CDH20: variants seen among roughly 807,000 people sequenced by gnomAD.
CDH20 encodes the protein cadherin-20.
Under a neutral mutation model 74.2 loss-of-function variants are expected in CDH20, and 29 were observed. The ratio of observed to expected loss-of-function variants is 0.39; its 90% CI spans 0.29 to 0.53. The LOEUF (loss-of-function observed/expected upper bound fraction) is 0.53, where lower values mean the gene tolerates loss of function less well. Ranked by LOEUF, CDH20 falls within the 20% of genes least tolerant of loss-of-function variation. The pLI is 0.69. For synonymous variants in CDH20, 469 were observed against 405.4 expected, an observed-to-expected ratio of 1.16 and a Z score of -1.88; for missense variants, 988 against 1,048.3, an observed-to-expected ratio of 0.94 and a Z score of 0.79.
At chr18:61,545,181 A>G (rs79881708) in intron 10 of CDH20, 37 bp downstream of exon 10, 2 of 1,333,896 alleles carry the variant, frequency 1.5e-6, no homozygotes, top group Non-Finnish European at 2.2e-6. Flanking sequence ...GTGCTTTTCT[A>G]CAGCATAGGC....
At chr18:61,421,725 C>G (rs944536291) in intron 1 of CDH20, among the ~76,000 whole-genome samples, 22 of 152,036 alleles carry the variant, frequency 1.4e-4, no homozygotes, top group African/African-American at 4.8e-4. Context: ...ATGAATGTAT[C>G]AAATTATCAC....
chr18:61,390,838 A>G (rs1056449453), intron 1 of CDH20, among the ~76,000 whole-genome samples: 1 of 152,204 alleles, frequency 6.6e-6, no homozygotes, highest in African/African-American at 2.4e-5. Context: ...CTTACTCCTC[A>G]CACTGAATTC....
chr18:61,334,066 G>A (rs528851316), intron 1 of CDH20, among the ~76,000 whole-genome samples: 1 of 152,284 alleles, frequency 6.6e-6, no homozygotes, highest in South Asian at 2.1e-4. Flanking sequence ...CTGCTCTCTG[G>A]AAGCAGGGAA....
intron 1 of CDH20, among the ~76,000 whole-genome samples, chr18:61,403,256 C>T (rs908675613): frequency 2.6e-5 from 4 of 152,130 alleles, no homozygotes; most frequent in East Asian, 1.9e-4. Context: ...TTGAGGAGAA[C>T]GTGTTTGGTC....
chr18:61,542,061 C>T (rs12968264), intron 9 of CDH20, among the ~76,000 whole-genome samples: 16,445 of 152,172 alleles, frequency 0.11, 1,085 homozygotes, highest in African/African-American at 0.17. Flanking sequence ...ATACACAATA[C>T]GCAGGCCAGA....
chr18:61,485,015 T>C (rs1910709621), intron 1 of CDH20, among the ~76,000 whole-genome samples: 1 of 152,114 alleles, frequency 6.6e-6, no homozygotes, highest in South Asian at 2.1e-4. Flanking sequence ...TGAGTGAACA[T>C]GATAACAGCT....
In CDH20 at chr18:61,435,478, A is replaced by G. The variant is rs187261354; in HGVS notation, c.-152-54924A>G. 2.5e-3 allele frequency among the ~76,000 whole-genome samples: 384 copies of G among 152,222 alleles called. 2 individuals carry two copies. Among genetic ancestry groups the G allele is most frequent in the Non-Finnish European group, 4.5e-3 (304 of 67,990 alleles). On this transcript the variant is annotated intron_variant, in intron 1 of 11. Coordinates refer to ENST00000262717, the MANE Select transcript of CDH20 (RefSeq NM_031891.4). ...TGTCCTTCCCAGGACAGTTTGCATC[A>G]TAAAGAGAACCTAATACAGGCCAGG...
intron 1 of CDH20, among the ~76,000 whole-genome samples, chr18:61,349,087 A>C (rs1910223195): frequency 6.6e-6 from 1 of 152,196 alleles, no homozygotes; most frequent in African/African-American, 2.4e-5. Flanking sequence ...TGATCACTTT[A>C]GAGTGGCTGT....
intron 1 of CDH20, among the ~76,000 whole-genome samples, chr18:61,372,734 A>G (rs1260574873): frequency 2.0e-5 from 3 of 152,134 alleles, no homozygotes; most frequent in African/African-American, 7.2e-5. Context: ...TGGATTGTCT[A>G]TGTCTGCTTT....
Position 61,543,516 on chromosome 18 carries a change from A to G in CDH20, c.1531-1511A>G, listed in dbSNP as rs192796996. 2.6e-3 allele frequency among the ~76,000 whole-genome samples: 49 copies of G among 19,104 alleles called. No individual in the cohort carries two copies. The Admixed American group carries it at 0.044, about 17-fold the overall frequency. 12.5% of individuals were successfully genotyped at this position (19,104 alleles called of 152,430 possible). A position where few individuals can be genotyped will look rare whatever the true frequency, so the allele number is the denominator to read the frequency against. ...CACAGATTTCTTTAATAGCTTTTAC[A>G]TCATGGTCTCCACAGACTTCATGCA... On this transcript the variant is annotated intron_variant, in intron 9 of 11. Transcript: ENST00000262717.
chr18:61,396,040 A>AGTGTATGTGTGTGT (rs1911960770), intron 1 of CDH20, among the ~76,000 whole-genome samples: 1 of 83,522 alleles, frequency 1.2e-5, no homozygotes, highest in Non-Finnish European at 2.8e-5. Flanking sequence ...GCACTCACAG[A>AGTGTATGTGTGTGT]GTGTGTGTGT....
At position 61,555,252 on chromosome 18, in the gene CDH20, A is replaced by G; in HGVS notation, c.*557A>G. 1.0e-6 allele frequency: 1 copy of G among 977,228 alleles called. No homozygotes were observed. The highest frequency in any genetic ancestry group is 1.2e-6 in the Non-Finnish European group (1 of 825,202). 60.5% of individuals were successfully genotyped at this position (977,228 alleles called of 1,614,324 possible). A position where few individuals can be genotyped will look rare whatever the true frequency, so the allele number is the denominator to read the frequency against. ...CCCGTAACCCTTTTGAGACAAGGTT[A>G]AGACTGAATCAGCCTTGCATGGGGG... On this transcript the variant is annotated 3_prime_UTR_variant, in exon 12 of 12. Coordinates refer to ENST00000262717, the MANE Select transcript of CDH20 (RefSeq NM_031891.4).
intron 6 of CDH20, among the ~76,000 whole-genome samples, chr18:61,517,642 A>G (rs1440041401): frequency 1.3e-5 from 2 of 152,160 alleles, no homozygotes; most frequent in East Asian, 3.9e-4. Context: ...CCTGGGTTTC[A>G]AGCATAAAAC....
chr18:61,393,697 G>C (rs1343305834), intron 1 of CDH20, among the ~76,000 whole-genome samples: 2 of 152,118 alleles, frequency 1.3e-5, no homozygotes, highest in Non-Finnish European at 2.9e-5. Flanking sequence ...AAATGTCTCT[G>C]ACTTCTTTTA....
At chr18:61,426,243 T>C (rs1355331641) in intron 1 of CDH20, among the ~76,000 whole-genome samples, 1 of 152,010 alleles carries the variant, frequency 6.6e-6, no homozygotes, top group Non-Finnish European at 1.5e-5. Flanking sequence ...CTTTTCTAGG[T>C]TGTTGTGAGG....
intron 1 of CDH20, among the ~76,000 whole-genome samples, chr18:61,447,206 A>G (rs1327218577): frequency 1.3e-5 from 2 of 152,202 alleles, no homozygotes; most frequent in Non-Finnish European, 2.9e-5. Context: ...CAGTTGGGAC[A>G]TATTAGATTT....
At chr18:61,478,528 T>C (rs1910473891) in intron 1 of CDH20, among the ~76,000 whole-genome samples, 1 of 152,182 alleles carries the variant, frequency 6.6e-6, no homozygotes, top group Non-Finnish European at 1.5e-5. Flanking sequence ...CGCAGTATTA[T>C]AAAAATAGTA....
At chr18:61,526,125 T>A (rs1912399192) in intron 6 of CDH20, among the ~76,000 whole-genome samples, 1 of 140,986 alleles carries the variant, frequency 7.1e-6, no homozygotes, top group Admixed American at 7.0e-5. Context: ...AGTTGACTTT[T>A]TTTTTTTTTT....
At position 61,555,293 on chromosome 18, in the gene CDH20, G is replaced by C; in HGVS notation, c.*598G>C. 1.0e-6 allele frequency: 1 copy of C among 980,752 alleles called. No homozygotes were observed. The highest frequency in any genetic ancestry group is 1.2e-4 in the East Asian group (1 of 8,666). 60.8% of individuals were successfully genotyped at this position (980,752 alleles called of 1,614,324 possible). A position where few individuals can be genotyped will look rare whatever the true frequency, so the allele number is the denominator to read the frequency against. On this transcript the variant is annotated 3_prime_UTR_variant, in exon 12 of 12. Transcript: ENST00000262717. Reference sequence around the variant, plus strand: ...TGCATGGGGGTGGATGGGTGGGAGGGTGGGTGAAGGAAGAGACATTGACTT... The same window carrying C: ...TGCATGGGGGTGGATGGGTGGGAGGCTGGGTGAAGGAAGAGACATTGACTT...
Sources: gnomAD v4.1 joint callset for allele counts (sites outside exome capture counted in the v4.1 genomes callset) on GRCh38, gnomAD v4.1.1 for gene constraint, MANE v1.5 for transcripts, NCBI Gene and HGNC (gene_info 2026-07-23, HGNC 2026-07-21) for gene names.